The following GRID2 variants were observed in gnomAD, a reference collection of about 807,000 sequenced individuals.
The protein encoded by GRID2 is glutamate ionotropic receptor delta type subunit 2.
A neutral mutation model predicts 114.8 loss-of-function variants in GRID2; 33 were observed. The ratio of observed to expected loss-of-function variants is 0.29; its 90% confidence interval spans 0.22 to 0.38. GRID2 has a LOEUF of 0.38. Ranked by LOEUF, GRID2 falls within the 10% of genes least tolerant of loss-of-function variation. The pLI is 1.00. For synonymous variants in GRID2, 505 were observed against 449.9 expected, an observed-to-expected ratio of 1.12 and a Z score of -1.55; for missense variants, 1,184 against 1,257.7, an observed-to-expected ratio of 0.94 and a Z score of 0.89.
chr4:93,715,609 A>C (rs527413019), intron 14 of GRID2, among the ~76,000 whole-genome samples: 45 of 152,138 alleles, frequency 3.0e-4, no homozygotes, highest in Non-Finnish European at 4.1e-4. Flanking sequence ...GATTTCTTTG[A>C]GTAGTGGCTT....
intron 10 of GRID2, among the ~76,000 whole-genome samples, chr4:93,451,792 TA>T (rs949702148): frequency 3.3e-5 from 5 of 152,028 alleles, no homozygotes; most frequent in African/African-American, 1.2e-4. Flanking sequence ...ATAGATTTGA[TA>T]GGGGGCATAG....
intron 14 of GRID2, among the ~76,000 whole-genome samples, chr4:93,711,665 A>G (rs545978285): frequency 1.3e-5 from 2 of 152,190 alleles, no homozygotes; most frequent in South Asian, 2.1e-4. Context: ...GCTCTCCACC[A>G]TGACAGGGTA....
chr4:92,479,097 T>C (rs1336523432), intron 1 of GRID2, among the ~76,000 whole-genome samples: 24 of 152,098 alleles, frequency 1.6e-4, no homozygotes, highest in Admixed American at 1.6e-3. Context: ...AATTTAGATA[T>C]TTGTGGTTAT....
intron 2 of GRID2, among the ~76,000 whole-genome samples, chr4:92,646,958 A>C (rs1731670816): frequency 6.7e-6 from 1 of 149,094 alleles, no homozygotes; most frequent in African/African-American, 2.5e-5. Flanking sequence ...ACTTGGATTT[A>C]GACATTTTGG....
chr4:92,356,849 G>T (rs1262600294), intron 1 of GRID2, among the ~76,000 whole-genome samples: 1 of 151,808 alleles, frequency 6.6e-6, no homozygotes, highest in Non-Finnish European at 1.5e-5. Flanking sequence ...TGATGTGCAG[G>T]GGGAGGTATT....
chr4:92,637,523 A>T (rs1484582821), intron 2 of GRID2, among the ~76,000 whole-genome samples: 1 of 152,006 alleles, frequency 6.6e-6, no homozygotes, highest in African/African-American at 2.4e-5. Flanking sequence ...TGTATCTGAG[A>T]ACTTTTCTTT....
chr4:92,527,606 T>G (rs1725108241), intron 1 of GRID2, among the ~76,000 whole-genome samples: 1 of 152,120 alleles, frequency 6.6e-6, no homozygotes, highest in South Asian at 2.1e-4. Context: ...AGAGAACATT[T>G]ATGACTATCT....
chr4:92,505,126 T>C (rs749473162), intron 1 of GRID2, among the ~76,000 whole-genome samples: 4 of 152,040 alleles, frequency 2.6e-5, no homozygotes, highest in Non-Finnish European at 5.9e-5. Context: ...TAGTGGCTTT[T>C]TGAATAGCCT....
At chr4:93,123,937 C>A in intron 4 of GRID2, among the ~76,000 whole-genome samples, 1 of 128,206 alleles carries the variant, frequency 7.8e-6, no homozygotes. Flanking sequence ...AGTAGTTAGA[C>A]TGGACCTAAT....
At chr4:92,332,736 A>G (rs1461319620) in intron 1 of GRID2, among the ~76,000 whole-genome samples, 1 of 152,178 alleles carries the variant, frequency 6.6e-6, no homozygotes, top group Non-Finnish European at 1.5e-5. Context: ...TTTCCATTTC[A>G]AAGGGGAGAA....
At chr4:93,728,620 TAA>T (rs1290536467) in intron 14 of GRID2, among the ~76,000 whole-genome samples, 1 of 152,232 alleles carries the variant, frequency 6.6e-6, no homozygotes, top group African/African-American at 2.4e-5. Flanking sequence ...TGTTGGAGTC[TAA>T]GTCTCTTTGT....
chr4:92,811,438 T>C (rs1479742045), intron 2 of GRID2, among the ~76,000 whole-genome samples: 1 of 152,090 alleles, frequency 6.6e-6, no homozygotes, highest in East Asian at 1.9e-4. Flanking sequence ...TTTGCATGCA[T>C]TAAAACAAAA....
chr4:92,484,906 A>G lies in GRID2; in HGVS notation c.89-105225A>G, dbSNP rs143653273. ...TATTTAAACTCAGATTAATGAAAAT[A>G]TTTCCTTCATATTACATGGAAATAT... is the stretch of plus-strand genomic sequence containing the variant. On this transcript the variant is annotated intron_variant, in intron 1 of 15. Coordinates refer to ENST00000282020, the MANE Select transcript of GRID2 (RefSeq NM_001510.4). Among the ~76,000 whole-genome samples, 24 of 152,170 alleles carry G rather than the reference A, an allele frequency of 1.6e-4. No homozygotes were observed. In the East Asian group the frequency reaches 4.7e-3, roughly 30 times the overall value.
intron 1 of GRID2, among the ~76,000 whole-genome samples, chr4:92,536,942 A>G (rs911136170): frequency 4.6e-5 from 7 of 152,188 alleles, no homozygotes; most frequent in Non-Finnish European, 7.4e-5. Context: ...ATATAACATA[A>G]CACGTTCAGG....
At chr4:93,709,837 T>C (rs1728330084) in intron 14 of GRID2, among the ~76,000 whole-genome samples, 1 of 152,230 alleles carries the variant, frequency 6.6e-6, no homozygotes, top group South Asian at 2.1e-4. Flanking sequence ...TTTTTCTTCT[T>C]GATCAATTCT....
At position 92,628,680 on chromosome 4, in the gene GRID2, T is replaced by G. The variant is rs572951254; in HGVS notation, c.244+38394T>G. Among the ~76,000 whole-genome samples the G allele has an allele frequency of 2.0e-5, 3 of 152,152 alleles. No individual in the cohort carries two copies. In the South Asian group the frequency reaches 6.2e-4, roughly 32 times the overall value. On this transcript the variant is annotated intron_variant, in intron 2 of 15. Coordinates refer to ENST00000282020, the MANE Select transcript of GRID2 (RefSeq NM_001510.4). Reference sequence around the variant, plus strand: ...GCCCCACTGTTCTGTTTACACACTTTCAGCAAATACTTTTGTTTTCATCCA... The same window carrying G: ...GCCCCACTGTTCTGTTTACACACTTGCAGCAAATACTTTTGTTTTCATCCA...
At chr4:93,278,632 T>C (rs1381709924) in intron 8 of GRID2, among the ~76,000 whole-genome samples, 3 of 151,886 alleles carry the variant, frequency 2.0e-5, no homozygotes, top group Non-Finnish European at 4.4e-5. Context: ...ATATAATGAA[T>C]ACACAAAAAA....
chr4:93,387,829 CAAA>C (rs11453782), intron 8 of GRID2, among the ~76,000 whole-genome samples: 7 of 99,082 alleles, frequency 7.1e-5, no homozygotes, highest in Admixed American at 1.2e-4. Flanking sequence ...GACTCTGTCT[CAAA>C]AAAAAAAAAA....
intron 2 of GRID2, among the ~76,000 whole-genome samples, chr4:92,652,880 A>AT (rs1732019528): frequency 1.0e-5 from 1 of 97,806 alleles, no homozygotes; most frequent in African/African-American, 3.6e-5. Context: ...AAATATATAA[A>AT]AATATATTTA....
Sources: allele counts gnomAD v4.1 joint callset (sites outside exome capture counted in the v4.1 genomes callset), GRCh38; gene constraint gnomAD v4.1.1; transcripts MANE v1.5; gene names NCBI Gene and HGNC (gene_info 2026-07-23, HGNC 2026-07-21).